Variants in THSD7B observed in about 807,000 individuals in gnomAD.
THSD7B encodes thrombospondin type-1 domain-containing protein 7B.
Under a neutral mutation model 213.6 loss-of-function variants are expected in THSD7B, and 138 were observed. The observed-to-expected ratio is 0.65, with a 90% CI of 0.56 to 0.74. The LOEUF is 0.74. Ranked by LOEUF, THSD7B falls within the 30% of genes least tolerant of loss-of-function variation. The pLI is 0.00. For missense variants in THSD7B, 1,931 were observed against 1,991.5 expected (o/e 0.97, Z 0.58); for synonymous variants, 742 against 687.0 (o/e 1.08, Z -1.25).
intron 12 of THSD7B, among the ~76,000 whole-genome samples, chr2:137,277,610 C>G (rs1246543846): frequency 1.3e-5 from 2 of 152,082 alleles, no homozygotes; most frequent in Non-Finnish European, 2.9e-5. Flanking sequence ...ATACAGTAAA[C>G]TTACTTTCAG....
chr2:136,841,671 T>G (rs1376401079), intron 1 of THSD7B, among the ~76,000 whole-genome samples: 1 of 151,890 alleles, frequency 6.6e-6, no homozygotes, highest in Non-Finnish European at 1.5e-5. Context: ...GAAATTATTG[T>G]TCAGCGTATT....
intron 11 of THSD7B, among the ~76,000 whole-genome samples, chr2:137,274,325 C>T (rs1358357932): frequency 6.6e-6 from 1 of 152,092 alleles, no homozygotes; most frequent in Admixed American, 6.6e-5. Context: ...CTTTCTGACT[C>T]CATTAAGGTG....
At chr2:137,328,786 C>T (rs1684427747) in intron 12 of THSD7B, among the ~76,000 whole-genome samples, 1 of 152,276 alleles carries the variant, frequency 6.6e-6, no homozygotes, top group African/African-American at 2.4e-5. Flanking sequence ...AGTAAGTTCT[C>T]ATGAGATCTG....
chr2:137,625,374 A>T (rs1682603340), intron 20 of THSD7B, among the ~76,000 whole-genome samples: 1 of 151,942 alleles, frequency 6.6e-6, no homozygotes, highest in Admixed American at 6.6e-5. Flanking sequence ...TACCTAGTGT[A>T]AACAACGAGT....
chr2:136,800,746 A>G (rs765000614), intron 1 of THSD7B, among the ~76,000 whole-genome samples: 157 of 151,804 alleles, frequency 1.0e-3, no homozygotes, highest in Non-Finnish European at 1.6e-3. Context: ...AAGCCTCTAT[A>G]GAAACTGTGA....
At chr2:137,026,707 G>A (rs1305063427) in intron 2 of THSD7B, among the ~76,000 whole-genome samples, 1 of 152,142 alleles carries the variant, frequency 6.6e-6, no homozygotes, top group Admixed American at 6.6e-5. Flanking sequence ...CTGGCCATCT[G>A]AAACAATATA....
chr2:136,807,955 A>T (rs1182659664), intron 1 of THSD7B, among the ~76,000 whole-genome samples: 1 of 152,172 alleles, frequency 6.6e-6, no homozygotes, highest in Non-Finnish European at 1.5e-5. Context: ...TTGCTTCTGG[A>T]CCCTCTTAGT....
chr2:137,168,530 C>T (rs1680178210), intron 6 of THSD7B, among the ~76,000 whole-genome samples: 1 of 152,114 alleles, frequency 6.6e-6, no homozygotes, highest in Non-Finnish European at 1.5e-5. Flanking sequence ...AAATGAAAGA[C>T]TGAAGGAATT....
At chr2:136,863,724 G>A (rs1399923717) in intron 1 of THSD7B, among the ~76,000 whole-genome samples, 1 of 144,676 alleles carries the variant, frequency 6.9e-6, no homozygotes, top group Non-Finnish European at 1.5e-5. Flanking sequence ...ATTAGAGGTA[G>A]AAAAGCTGTG....
At chr2:137,049,625 G>A (rs1687032535) in intron 2 of THSD7B, among the ~76,000 whole-genome samples, 1 of 152,236 alleles carries the variant, frequency 6.6e-6, no homozygotes, top group African/African-American at 2.4e-5. Flanking sequence ...TCATTCCTGT[G>A]CTAAACCCCT....
At position 137,077,935 on chromosome 2, in the gene THSD7B, C is replaced by T. The variant is rs188997858; in HGVS notation, c.951-16938C>T. The stretch of plus-strand genomic sequence containing the variant: ...TCCTGAATGGTATTGCCTAGGTTTT[C>T]TTCTAGGGTTTTTATGGTTTCAGGT... On this transcript the variant is annotated intron_variant, in intron 3 of 27. Transcript: ENST00000409968. Among the ~76,000 whole-genome samples, 527 of 152,246 alleles carry T rather than the reference C, an allele frequency of 3.5e-3. 7 individuals are homozygous for T. The East Asian group carries it at 0.043, about 12-fold the overall frequency.
chr2:137,343,017 T>A (rs1431248941), intron 12 of THSD7B, among the ~76,000 whole-genome samples: 1 of 151,690 alleles, frequency 6.6e-6, no homozygotes, highest in Non-Finnish European at 1.5e-5. Flanking sequence ...CTTGTCTAAC[T>A]TTGATATCAG....
At chr2:136,859,485 A>G (rs1683227211) in intron 1 of THSD7B, among the ~76,000 whole-genome samples, 1 of 152,232 alleles carries the variant, frequency 6.6e-6, no homozygotes, top group Non-Finnish European at 1.5e-5. Flanking sequence ...CTAATAGATC[A>G]TAACTATAGT....
Position 137,563,360 on chromosome 2 carries a change from T to C in THSD7B, c.3272+6T>C. Reference sequence around the variant, plus strand: ...ACACAATCTAGGAAAATCAGGTGTGTGAAAATGGAGAGATTTGGGAAATAG... The same window carrying C: ...ACACAATCTAGGAAAATCAGGTGTGCGAAAATGGAGAGATTTGGGAAATAG... On this transcript the variant is annotated splice_donor_region_variant and intron_variant, in intron 16 of 27. Coordinates refer to ENST00000409968, the MANE Select transcript of THSD7B (RefSeq NM_001316349.2). 1 of 1,612,396 alleles carries C rather than the reference T, an allele frequency of 6.2e-7. No individual in the cohort carries two copies. Among genetic ancestry groups the C allele is most frequent in the Non-Finnish European group, 8.5e-7 (1 of 1,179,164 alleles).
At chr2:137,576,391 C>T (rs796435435) in intron 17 of THSD7B, among the ~76,000 whole-genome samples, 25 of 152,210 alleles carry the variant, frequency 1.6e-4, no homozygotes, top group African/African-American at 6.0e-4. Flanking sequence ...TTGGCCAGAA[C>T]TGTAGCCAAG....
In THSD7B at chr2:137,346,285, C is replaced by G. The variant is rs966622939; in HGVS notation, c.2501-59328C>G. ...TAGTCCATCATTTTACTTTATATTT[C>G]TGAGATTTTGACTACTTTAGATAGT... On this transcript the variant is annotated intron_variant, in intron 12 of 27. Transcript: ENST00000409968. Among the ~76,000 whole-genome samples the G allele has an allele frequency of 4.0e-5, 6 of 151,628 alleles. No homozygotes were observed. The East Asian group carries it at 1.2e-3, about 29-fold the overall frequency.
chr2:137,377,858 C>T (rs1685693694), intron 12 of THSD7B, among the ~76,000 whole-genome samples: 1 of 152,058 alleles, frequency 6.6e-6, no homozygotes, highest in South Asian at 2.1e-4. Context: ...AACTCCTGAC[C>T]TCGTGATCCA....
chr2:137,263,129 G>C (rs533885246), intron 10 of THSD7B, among the ~76,000 whole-genome samples: 9 of 152,190 alleles, frequency 5.9e-5, no homozygotes, highest in Non-Finnish European at 4.4e-5. Context: ...AGTGTGTTGC[G>C]TCTGCTACAG....
Position 137,425,477 on chromosome 2 carries a change from A to G in THSD7B, c.2959+13605A>G, listed in dbSNP as rs1238162332. On this transcript the variant is annotated intron_variant, in intron 14 of 27. Transcript: ENST00000409968. Reference sequence around the variant, plus strand: ...GGTGATCCGCCCACCTCAGCCTCCCAAAGTGTTGGGATTACAGGCGTGAGC... The same window carrying G: ...GGTGATCCGCCCACCTCAGCCTCCCGAAGTGTTGGGATTACAGGCGTGAGC... Among the ~76,000 whole-genome samples, 8 of 152,270 alleles carry G rather than the reference A, an allele frequency of 5.3e-5. No individual in the cohort carries two copies. The East Asian group carries it at 1.4e-3, about 26-fold the overall frequency.
Sources: gnomAD v4.1 joint callset for allele counts (sites outside exome capture counted in the v4.1 genomes callset) on GRCh38, gnomAD v4.1.1 for gene constraint, MANE v1.5 for transcripts, NCBI Gene and HGNC (gene_info 2026-07-23, HGNC 2026-07-21) for gene names.